The following PCM1 variants were observed in gnomAD, a reference collection of about 807,000 sequenced individuals.
PCM1 encodes the protein pericentriolar material 1 protein.
Under a neutral mutation model 241.9 loss-of-function variants are expected in PCM1, and 157 were observed. The ratio of observed to expected loss-of-function variants is 0.65; its 90% CI spans 0.57 to 0.74. The LOEUF (loss-of-function observed/expected upper bound fraction) is 0.74, where lower values mean the gene tolerates loss of function less well. Ranked by LOEUF, PCM1 falls within the 30% of genes least tolerant of loss-of-function variation. The pLI is 0.00. For missense variants in PCM1, 3,478 were observed against 2,360.1 expected (o/e 1.47, Z -9.81); for synonymous variants, 1,085 against 784.9 (o/e 1.38, Z -6.39).
At chr8:18,024,515 C>G (rs768611957) in intron 36 of PCM1, among the ~76,000 whole-genome samples, 6 of 152,148 alleles carry the variant, frequency 3.9e-5, no homozygotes, top group Non-Finnish European at 7.3e-5. Flanking sequence ...ACATTTAAAA[C>G]TTCGAAAATT....
chr8:18,010,470 C>CTATAATAAATGATTA, intron 31 of PCM1, 139 bp from the exon 32 acceptor site: 1 of 596,088 alleles, frequency 1.7e-6, no homozygotes, highest in Non-Finnish European at 2.9e-6. Flanking sequence ...CAGCATGATA[C>CTATAATAAATGATTA]TATAATAAAT....
At chr8:18,000,554 G>C (rs781270830) in intron 29 of PCM1, among the ~76,000 whole-genome samples, 3 of 151,514 alleles carry the variant, frequency 2.0e-5, no homozygotes, top group Non-Finnish European at 2.9e-5. Context: ...AACTGGCTAG[G>C]AGGAAATACG....
At chr8:17,978,101 A>G (rs981178775) in intron 23 of PCM1, among the ~76,000 whole-genome samples, 33 of 152,222 alleles carry the variant, frequency 2.2e-4, no homozygotes, top group Admixed American at 8.5e-4. Context: ...CTTTAGAGCT[A>G]GAAAAAAATG....
chr8:17,956,710 G>A lies in PCM1; in HGVS notation c.1579G>A (p.Asp527Asn). ...AGATGCTGTGAATGAAAACAGGAAAGATGAAGAAACTGAAGAGTCAGAATA... is the reference window on the plus strand; with the variant it reads ...AGATGCTGTGAATGAAAACAGGAAAAATGAAGAAACTGAAGAGTCAGAATA... Reference protein sequence around the residue: ...MTDAVNENRKDEETEESEYDS... With the variant: ...MTDAVNENRKNEETEESEYDS... The change falls in exon 11 of 39, where the codon GAT becomes AAT. Residue 527 changes from aspartate to asparagine, a missense_variant. Asp to Asn is a conservative substitution (Grantham distance 23, BLOSUM62 1). Transcript: ENST00000325083. The A allele has an allele frequency of 6.2e-7, 1 of 1,607,670 alleles. No individual in the cohort carries two copies. Among genetic ancestry groups the A allele is most frequent in the East Asian group, 2.2e-5 (1 of 44,720 alleles).
Position 18,028,675 on chromosome 8 carries a change from T to A in PCM1, c.*1013T>A. The A allele has an allele frequency of 4.9e-6, 1 of 203,804 alleles. No homozygotes were observed. Among genetic ancestry groups the A allele is most frequent in the East Asian group, 7.5e-5 (1 of 13,346 alleles). 12.6% of individuals were successfully genotyped at this position (203,804 alleles called of 1,614,324 possible). On this transcript the variant is annotated 3_prime_UTR_variant, in exon 39 of 39. Coordinates refer to ENST00000325083, the MANE Select transcript of PCM1 (RefSeq NM_006197.4). The stretch of plus-strand genomic sequence containing the variant: ...TTTGAAAAGTGATTGATTTGCTTTT[T>A]ATCCCAAACTGTCCATATACCCAGT...
intron 36 of PCM1, among the ~76,000 whole-genome samples, chr8:18,023,469 A>C: frequency 6.6e-6 from 1 of 152,214 alleles, no homozygotes; most frequent in East Asian, 1.9e-4. Flanking sequence ...GATACTCTTC[A>C]AGCAATACAA....
chr8:17,938,725 C>T lies in PCM1; in HGVS notation c.343-15C>T. 2 of 1,595,074 alleles carry T rather than the reference C, an allele frequency of 1.3e-6. No individual in the cohort carries two copies. Among genetic ancestry groups the T allele is most frequent in the African/African-American group, 1.3e-5 (1 of 74,352 alleles). On this transcript the variant is annotated splice_polypyrimidine_tract_variant and intron_variant, in intron 4 of 38. Transcript: ENST00000325083. ...GGTTAATGTTTGTGTGATTTGATTT[C>T]TTTTTCATATATAGAGAAGCATTGG... is the stretch of plus-strand genomic sequence containing the variant.
intron 22 of PCM1, among the ~76,000 whole-genome samples, chr8:17,971,124 T>C (rs2076711194): frequency 6.6e-6 from 1 of 152,254 alleles, no homozygotes; most frequent in African/African-American, 2.4e-5. Context: ...TTTATTTTCA[T>C]ATAATTTTCA....
At chr8:17,990,104 T>A in intron 27 of PCM1, 125 bp downstream of exon 27, 1 of 657,904 alleles carries the variant, frequency 1.5e-6, no homozygotes, top group Non-Finnish European at 2.3e-6. Flanking sequence ...AATGTGGACT[T>A]AATTATCTAT....
intron 38 of PCM1, 40 bp from the exon 39 acceptor site, chr8:18,027,597 C>T (rs776068840): frequency 2.0e-5 from 29 of 1,432,352 alleles, no homozygotes; most frequent in South Asian, 3.9e-5. Flanking sequence ...TCTAGTAATT[C>T]GATAAGTAAT....
chr8:17,983,232 G>C, intron 24 of PCM1: 8 of 1,317,958 alleles, frequency 6.1e-6, no homozygotes, highest in Non-Finnish European at 8.0e-6. Flanking sequence ...CTTTCCTACA[G>C]CACATGCTAG....
At position 17,931,296 on chromosome 8, in the gene PCM1, C is replaced by T. The variant is rs981677645; in HGVS notation, c.-22-4293C>T. On this transcript the variant is annotated intron_variant, in intron 2 of 38. Coordinates refer to ENST00000325083, the MANE Select transcript of PCM1 (RefSeq NM_006197.4). ...AAAACATTCTTTCTCCAGATATATT[C>T]TTTTTTTTTTTTGAGATGGAGTCTT... Among the ~76,000 whole-genome samples, 8 of 145,648 alleles carry T rather than the reference C, an allele frequency of 5.5e-5. No individual in the cohort carries two copies. In the East Asian group the frequency reaches 6.0e-4, roughly 11 times the overall value.
At position 17,937,286 on chromosome 8, in the gene PCM1, C is replaced by T. The variant is rs1482730107; in HGVS notation, c.249C>T (p.Phe83=). ...GAAGAACAAAGACTCCACATACGTT[C>T]CCACACAGTAGATACATGAGTCAGA... is the stretch of plus-strand genomic sequence containing the variant. ...GRRRTKTPHT[F]PHSRYMSQMS... The change falls in exon 4 of 39, where the codon TTC becomes TTT. Residue 83 remains phenylalanine, a synonymous_variant. Coordinates refer to ENST00000325083, the MANE Select transcript of PCM1 (RefSeq NM_006197.4). 6.2e-7 allele frequency: 1 copy of T among 1,609,438 alleles called. No homozygotes were observed. The highest frequency in any genetic ancestry group is 1.7e-5 in the Admixed American group (1 of 59,694).
intron 6 of PCM1, among the ~76,000 whole-genome samples, chr8:17,941,269 A>G (rs1211553265): frequency 6.6e-6 from 1 of 152,170 alleles, no homozygotes; most frequent in Non-Finnish European, 1.5e-5. Context: ...AGGAGTGGGA[A>G]CTTGTATAGA....
In PCM1 at chr8:18,025,350, TTA is replaced by T. The variant is rs1362075909; in HGVS notation, c.5842-10_5842-9del. The stretch of plus-strand genomic sequence containing the variant: ...CTAGAGTATGTATTTTTTTTTTTCA[TTA>T]CATTACAGGAAGCAGAATCTGGTAA... On this transcript the variant is annotated splice_polypyrimidine_tract_variant and intron_variant, in intron 36 of 38. Coordinates refer to ENST00000325083, the MANE Select transcript of PCM1 (RefSeq NM_006197.4). The T allele has an allele frequency of 6.8e-6, 10 of 1,461,414 alleles. No homozygotes were observed. Among genetic ancestry groups the T allele is most frequent in the Middle Eastern group, 1.7e-4 (1 of 5,742 alleles). The allele number at this position is 1,461,414 out of a possible 1,614,324, so 90.5% of individuals were successfully genotyped here.
chr8:17,976,058 G>C (rs1587543903), intron 23 of PCM1, among the ~76,000 whole-genome samples: 1 of 152,274 alleles, frequency 6.6e-6, no homozygotes, highest in Non-Finnish European at 1.5e-5. Flanking sequence ...GGTTCTTACT[G>C]TCCTTGAATC....
At chr8:17,970,147 G>A (rs1204050556) in intron 22 of PCM1, among the ~76,000 whole-genome samples, 1 of 152,036 alleles carries the variant, frequency 6.6e-6, no homozygotes, top group African/African-American at 2.4e-5. Flanking sequence ...CAAATATAAT[G>A]TTGAGTACTA....
Position 17,938,639 on chromosome 8 carries a change from C to T in PCM1, c.343-101C>T, listed in dbSNP as rs1207631521. The stretch of plus-strand genomic sequence containing the variant: ...GTGCAAAGCTCTTTGTGTGCACCTT[C>T]TGAATCAATATCTGATGGCGAAACT... On this transcript the variant is annotated intron_variant, in intron 4 of 38. Coordinates refer to ENST00000325083, the MANE Select transcript of PCM1 (RefSeq NM_006197.4). The T allele has an allele frequency of 7.6e-6, 6 of 784,666 alleles. No individual in the cohort carries two copies. In the Admixed American group the frequency reaches 1.1e-4, roughly 15 times the overall value. The allele number at this position is 784,666 out of a possible 1,614,324, so 48.6% of individuals were successfully genotyped here.
Position 18,025,454 on chromosome 8 carries a change from G to A in PCM1, c.5934+1G>A. ...ACTGAAACTGACAATATATTCAGAG[G>A]TATTTAGCTGTCTTTAATTAAACTT... On this transcript the variant is annotated splice_donor_variant, in intron 37 of 38. Transcript: ENST00000325083. LOFTEE classifies it high-confidence loss of function. The A allele has an allele frequency of 6.4e-7, 1 of 1,555,492 alleles. No homozygotes were observed. The highest frequency in any genetic ancestry group is 8.8e-7 in the Non-Finnish European group (1 of 1,132,770).
Sources: allele counts gnomAD v4.1 joint callset (sites outside exome capture counted in the v4.1 genomes callset), GRCh38; gene constraint gnomAD v4.1.1; transcripts MANE v1.5; gene names NCBI Gene and HGNC (gene_info 2026-07-23, HGNC 2026-07-21).